The following MEG3 variants were observed in gnomAD, a reference collection of about 807,000 sequenced individuals.
MEG3 encodes maternally expressed 3.
chr14:100,844,309 G>A lies in MEG3; in HGVS notation n.3046-1149G>A, dbSNP rs114883762. Among the ~76,000 whole-genome samples the A allele has an allele frequency of 3.6e-3, 542 of 152,222 alleles. 4 individuals are homozygous for A. The highest frequency in any genetic ancestry group is 0.013 in the African/African-American group (521 of 41,552). On this transcript the variant is annotated intron_variant and non_coding_transcript_variant, in intron 2 of 3. Transcript: ENST00000398461. The stretch of plus-strand genomic sequence containing the variant: ...AGATGGTGTTTTCAAACAGACCTTG[G>A]CCCTGTCCTCCTGGCCCAGCCCCTG...
chr14:100,839,510 C>T (rs1271031510), intron 2 of MEG3, among the ~76,000 whole-genome samples: 2 of 152,188 alleles, frequency 1.3e-5, no homozygotes, highest in Non-Finnish European at 2.9e-5. Context: ...AAGGATGAAT[C>T]TGGGGTAGGA....
At chr14:100,854,095 A>G (rs1324410759), upstream of MEG3, 3 of 152,260 alleles carry the variant, frequency 2.0e-5, no homozygotes, top group African/African-American at 7.2e-5. Context: ...AAGAAAGGCT[A>G]TGGATCTTTG....
chr14:100,857,168 C>G (rs947529470), upstream of MEG3: 1 of 152,164 alleles, frequency 6.6e-6, no homozygotes, highest in African/African-American at 2.4e-5. Context: ...CGTTTGTATG[C>G]CACGTTTGAA....
intron 2 of MEG3, among the ~76,000 whole-genome samples, chr14:100,838,420 G>C (rs1389786330): frequency 1.3e-5 from 2 of 152,232 alleles, no homozygotes; most frequent in East Asian, 1.9e-4. Context: ...CGTTCTCAAT[G>C]AAAGAAGTTG....
chr14:100,858,601 C>T (rs2038311149), exon 1 of MEG3: 1 of 152,952 alleles, frequency 6.5e-6, no homozygotes, highest in Non-Finnish European at 1.5e-5. Context: ...GCTGCCCCGG[C>T]TCTCTTCCAC....
chr14:100,834,506 G>A (rs77658190), exon 1 of MEG3: 36,551 of 324,470 alleles, frequency 0.11, 3,096 homozygotes, highest in East Asian at 0.39. Flanking sequence ...GAGGGGTCTC[G>A]TTGCTCCCTT....
rs1250710366 is a variant in MEG3, at chr14:100,845,776, G to A, written n.3121+243G>A. 4.6e-6 allele frequency: 1 copy of A among 218,102 alleles called. No homozygotes were observed. Among genetic ancestry groups the A allele is most frequent in the Non-Finnish European group, 9.4e-6 (1 of 105,826 alleles). 13.5% of individuals were successfully genotyped at this position (218,102 alleles called of 1,614,324 possible). On this transcript the variant is annotated intron_variant and non_coding_transcript_variant, in intron 3 of 3. Coordinates refer to the MEG3 transcript ENST00000398461. The surrounding 1 kb of genome is among the most constrained non-coding windows in gnomAD (Gnocchi z 5.2). Reference sequence around the variant, plus strand: ...TCTGTGGCAAAAGAATTCTATAGGCGGGCTTCAAATGTCGGACCCCAAAAG... The same window carrying A: ...TCTGTGGCAAAAGAATTCTATAGGCAGGCTTCAAATGTCGGACCCCAAAAG...
chr14:100,836,020 C>A, intron 1 of MEG3: 1 of 349,800 alleles, frequency 2.9e-6, no homozygotes. Context: ...TGCACCTTTT[C>A]CTGTCATTGG....
intron 2 of MEG3, among the ~76,000 whole-genome samples, chr14:100,844,337 T>A (rs1245160873): frequency 1.3e-5 from 2 of 152,210 alleles, no homozygotes; most frequent in African/African-American, 4.8e-5. Context: ...AGCCCCTGGC[T>A]GCCCTATCAC....
exon 1 of MEG3, chr14:100,859,406 A>G (rs2038338048): frequency 6.6e-6 from 1 of 152,056 alleles, no homozygotes; most frequent in South Asian, 2.1e-4. Flanking sequence ...CTGGACCAAC[A>G]TGTCTTTGTT....
At chr14:100,832,804 G>A (rs2037434827), downstream of MEG3, 2 of 152,432 alleles carry the variant, frequency 1.3e-5, no homozygotes, top group African/African-American at 4.8e-5. Flanking sequence ...GCTTTGGGAA[G>A]GGGGGCGTCG....
At chr14:100,826,939 C>T (rs1020037323) in intron 1 of MEG3, among the ~76,000 whole-genome samples, 12 of 146,358 alleles carry the variant, frequency 8.2e-5, no homozygotes, top group African/African-American at 2.8e-4. Context: ...GAAGGGGGGT[C>T]GTGGGATTGG....
intron 2 of MEG3, among the ~76,000 whole-genome samples, chr14:100,844,850 G>A (rs1396041955): frequency 6.6e-6 from 1 of 152,204 alleles, no homozygotes; most frequent in African/African-American, 2.4e-5. Flanking sequence ...AAGTTAAAAC[G>A]TAAGGCAGAT....
chr14:100,856,018 CAAGTCATTAGA>C (rs2038231367), upstream of MEG3: 1 of 152,208 alleles, frequency 6.6e-6, no homozygotes, highest in African/African-American at 2.4e-5. Flanking sequence ...AGCAGGTTTT[CAAGTCATTAGA>C]ACACTCTGGC....
chr14:100,836,207 C>T lies in MEG3; in HGVS notation n.2952C>T, dbSNP rs552145581. 512 of 456,454 alleles carry T rather than the reference C, an allele frequency of 1.1e-3. 3 individuals carry two copies. The highest frequency in any genetic ancestry group is 7.6e-3 in the South Asian group (489 of 64,528). 28.3% of individuals were successfully genotyped at this position (456,454 alleles called of 1,614,324 possible). A position where few individuals can be genotyped will look rare whatever the true frequency, so the allele number is the denominator to read the frequency against. ...CCCGGCTGGGTCGGCTGAAGAACTGCGGATGGAAGCTGCGGAAGAGGCCCT... is the reference window on the plus strand; with the variant it reads ...CCCGGCTGGGTCGGCTGAAGAACTGTGGATGGAAGCTGCGGAAGAGGCCCT... On this transcript the variant is annotated non_coding_transcript_exon_variant, in exon 2 of 4. Transcript: ENST00000398461.
upstream of MEG3, chr14:100,856,168 T>C (rs964798800): frequency 2.0e-5 from 3 of 151,992 alleles, no homozygotes; most frequent in African/African-American, 7.3e-5. Context: ...CGTGCAGGGG[T>C]CTGCATAGAA....
chr14:100,842,069 G>C (rs1055032259), intron 2 of MEG3, among the ~76,000 whole-genome samples: 1 of 152,236 alleles, frequency 6.6e-6, no homozygotes, highest in Non-Finnish European at 1.5e-5. Flanking sequence ...GTGTGCTGCA[G>C]TGTGTAGTAA....
intron 1 of MEG3, among the ~76,000 whole-genome samples, chr14:100,826,977 T>G (rs1288135372): frequency 1.3e-3 from 145 of 113,024 alleles, no homozygotes; most frequent in Non-Finnish European, 1.6e-3. Flanking sequence ...ATGCAGGGGG[T>G]GGGTTGGGGA....
intron 2 of MEG3, among the ~76,000 whole-genome samples, chr14:100,843,833 GTT>G (rs11307044): frequency 0.015 from 1,094 of 70,766 alleles, 7 homozygotes; most frequent in African/African-American, 0.039. Context: ...CCCGGGACCT[GTT>G]TTTTTTTTTT....
Sources: gnomAD v4.1 joint callset for allele counts (sites outside exome capture counted in the v4.1 genomes callset) on GRCh38, gnomAD v4.1.1 for gene constraint, Gnocchi (gnomAD v3.1) non-coding constraint, MANE v1.5 for transcripts, NCBI Gene and HGNC (gene_info 2026-07-23, HGNC 2026-07-21) for gene names.